Variants in PTPRG observed in about 807,000 individuals in gnomAD.
The protein encoded by PTPRG is receptor-type tyrosine-protein phosphatase gamma.
In PTPRG, 102 loss-of-function variants were observed where a neutral mutation model predicts 165.3. The observed-to-expected ratio is 0.62, with a 90% CI of 0.53 to 0.73. The LOEUF is 0.73. PTPRG is among the 30% of genes least tolerant of loss of function. The probability of loss-of-function intolerance (pLI) is 0.00; values close to 1 mark genes in which losing one functional copy is unlikely to be tolerated. For missense variants in PTPRG, 1,866 were observed against 1,861.4 expected (o/e 1.00, Z -0.05); for synonymous variants, 675 against 669.5 (o/e 1.01, Z -0.13).
intron 3 of PTPRG, among the ~76,000 whole-genome samples, chr3:61,993,518 C>A (rs1021260856): frequency 9.9e-5 from 15 of 152,108 alleles, no homozygotes; most frequent in African/African-American, 3.6e-4. Context: ...CGTGCCCGGC[C>A]CACTGTACTA....
intron 2 of PTPRG, among the ~76,000 whole-genome samples, chr3:61,904,220 C>T (rs1021776136): frequency 6.6e-6 from 1 of 152,152 alleles, no homozygotes; most frequent in Admixed American, 6.5e-5. Context: ...TTGCCAGTAC[C>T]CACCACTTGA....
At chr3:61,971,282 G>A (rs536493350) in intron 2 of PTPRG, among the ~76,000 whole-genome samples, 1 of 152,172 alleles carries the variant, frequency 6.6e-6, no homozygotes, top group East Asian at 1.9e-4. Flanking sequence ...TTTGAACTCT[G>A]AAGCGAATAG....
intron 1 of PTPRG, among the ~76,000 whole-genome samples, chr3:61,668,791 C>T (rs988364194): frequency 6.6e-6 from 1 of 151,988 alleles, no homozygotes; most frequent in African/African-American, 2.4e-5. Flanking sequence ...CAGATATTTT[C>T]AAGAGATGGT....
intron 1 of PTPRG, among the ~76,000 whole-genome samples, chr3:61,738,806 G>GTT (rs2032864017): frequency 6.6e-6 from 1 of 151,710 alleles, no homozygotes; most frequent in South Asian, 2.1e-4. Flanking sequence ...ACAAGGTCTT[G>GTT]CCCTGTTGCC....
At chr3:62,266,670 T>A (rs1446615251) in intron 17 of PTPRG, among the ~76,000 whole-genome samples, 10 of 151,796 alleles carry the variant, frequency 6.6e-5, no homozygotes, top group African/African-American at 2.4e-4. Context: ...GGACTTCTTT[T>A]TCAACTAGCC....
chr3:62,053,935 G>C (rs75014434), intron 4 of PTPRG, among the ~76,000 whole-genome samples: 1 of 152,142 alleles, frequency 6.6e-6, no homozygotes, highest in Non-Finnish European at 1.5e-5. Context: ...ACGGTGAAAT[G>C]TTCAAATATG....
At chr3:62,115,356 T>G (rs949526951) in intron 5 of PTPRG, among the ~76,000 whole-genome samples, 2 of 152,212 alleles carry the variant, frequency 1.3e-5, no homozygotes, top group African/African-American at 4.8e-5. Flanking sequence ...TGTTTATCTT[T>G]GGTGCAGACT....
intron 2 of PTPRG, among the ~76,000 whole-genome samples, chr3:61,979,873 C>T (rs1327739895): frequency 1.3e-5 from 2 of 152,138 alleles, no homozygotes; most frequent in African/African-American, 4.8e-5. Context: ...TCCCACATCC[C>T]ATCCACACCA....
At chr3:62,080,491 C>T (rs186310101) in intron 5 of PTPRG, among the ~76,000 whole-genome samples, 2 of 152,240 alleles carry the variant, frequency 1.3e-5, no homozygotes, top group Non-Finnish European at 2.9e-5. Context: ...TCATCGTTCC[C>T]TTAGCATGCT....
rs71123255 is a variant in PTPRG at position 62,192,393 on chromosome 3, C to CTTTTTTTTTTTTTTTTTT, written c.1218+756_1218+773dup. ...ATAAAGCAAACTCCACAACTACTGT[C>CTTTTTTTTTTTTTTTTTT]TTTTTTTTTTTTTTTTTTTTTTTTT... On this transcript the variant is annotated intron_variant, in intron 9 of 29. Transcript: ENST00000474889. Among the ~76,000 whole-genome samples, 3 of 52,594 alleles carry CTTTTTTTTTTTTTTTTTT rather than the reference C, an allele frequency of 5.7e-5. 1 individual carries two copies. The highest frequency in any genetic ancestry group is 1.2e-4 in the African/African-American group (2 of 16,354). The allele number at this position is 52,594 out of a possible 152,430, so 34.5% of individuals were successfully genotyped here. A position where few individuals can be genotyped will look rare whatever the true frequency, so the allele number is the denominator to read the frequency against.
At chr3:62,116,156 G>T (rs1342729843) in intron 5 of PTPRG, among the ~76,000 whole-genome samples, 4 of 152,122 alleles carry the variant, frequency 2.6e-5, no homozygotes, top group African/African-American at 9.7e-5. Context: ...ACCCAAACCT[G>T]AAGGTCTGCC....
At chr3:61,588,013 G>A (rs961312800) in intron 1 of PTPRG, among the ~76,000 whole-genome samples, 1 of 151,116 alleles carries the variant, frequency 6.6e-6, no homozygotes, top group African/African-American at 2.4e-5. Flanking sequence ...CATGATCACC[G>A]TGTTACATTG....
At chr3:61,681,208 T>G (rs1246745023) in intron 1 of PTPRG, among the ~76,000 whole-genome samples, 1 of 152,188 alleles carries the variant, frequency 6.6e-6, no homozygotes, top group African/African-American at 2.4e-5. Flanking sequence ...TTTAAAACCT[T>G]CACTCTGCGT....
At chr3:61,563,066 C>T (rs1041033943) in intron 1 of PTPRG, among the ~76,000 whole-genome samples, 5 of 151,870 alleles carry the variant, frequency 3.3e-5, no homozygotes, top group Admixed American at 2.6e-4. Context: ...TCTCCCCTAG[C>T]CCCGGCCCGT....
At chr3:62,027,387 G>A (rs779864530) in intron 4 of PTPRG, among the ~76,000 whole-genome samples, 39 of 151,906 alleles carry the variant, frequency 2.6e-4, no homozygotes, top group Non-Finnish European at 3.5e-4. Flanking sequence ...GGTGACTGGC[G>A]GCCTCATTTC....
intron 2 of PTPRG, among the ~76,000 whole-genome samples, chr3:61,752,671 A>G (rs372794934): frequency 1.3e-5 from 2 of 150,684 alleles, no homozygotes; most frequent in African/African-American, 4.9e-5. Context: ...CTATAATCCC[A>G]GCTACTCGGG....
At chr3:62,025,362 T>C (rs920620152) in intron 4 of PTPRG, among the ~76,000 whole-genome samples, 36 of 152,352 alleles carry the variant, frequency 2.4e-4, no homozygotes, top group African/African-American at 8.2e-4. Context: ...GGAAGGACTC[T>C]GAGAGAGCTT....
chr3:62,273,625 T>C lies in PTPRG; in HGVS notation c.3319-73T>C, dbSNP rs1702143664. 3.4e-6 allele frequency: 5 copies of C among 1,478,068 alleles called. No homozygotes were observed. Among genetic ancestry groups the C allele is most frequent in the Non-Finnish European group, 3.7e-6 (4 of 1,066,744 alleles). The allele number at this position is 1,478,068 out of a possible 1,614,324, so 91.6% of individuals were successfully genotyped here. On this transcript the variant is annotated intron_variant, in intron 22 of 29. Transcript: ENST00000474889. The surrounding 1 kb of genome is among the most constrained non-coding windows in gnomAD (Gnocchi z 4.1). ...GTCCCTGTTAGCAGCAGAATTAAAC[T>C]AAGGTACACTTCATGAATGAGTGGC...
intron 1 of PTPRG, among the ~76,000 whole-genome samples, chr3:61,735,529 G>GTTTTTTTTTTT: frequency 7.0e-6 from 1 of 143,168 alleles, no homozygotes; most frequent in Non-Finnish European, 1.5e-5. Flanking sequence ...AATTCCTTGA[G>GTTTTTTTTTTT]TTTTTTTTTT....
Sources: gnomAD v4.1 joint callset for allele counts (sites outside exome capture counted in the v4.1 genomes callset) on GRCh38, gnomAD v4.1.1 for gene constraint, Gnocchi (gnomAD v3.1) non-coding constraint, MANE v1.5 for transcripts, NCBI Gene and HGNC (gene_info 2026-07-23, HGNC 2026-07-21) for gene names.